Variants in PSMD2 observed in about 807,000 individuals in gnomAD.
PSMD2 encodes 26S proteasome non-ATPase regulatory subunit 2.
In PSMD2, 8 loss-of-function variants were observed where a neutral mutation model predicts 101.5. The observed-to-expected ratio is 0.08, with a 90% CI of 0.05 to 0.14. The LOEUF (loss-of-function observed/expected upper bound fraction) is 0.14. PSMD2 is among the 10% of genes least tolerant of loss of function. PSMD2 has a pLI of 1.00. For missense variants in PSMD2, 784 were observed against 1,147.4 expected (o/e 0.68, Z 4.58); for synonymous variants, 418 against 433.8 (o/e 0.96, Z 0.45).
chr3:184,303,513 CTT>C, intron 9 of PSMD2, 47 bp downstream of exon 9: 4 of 1,608,294 alleles, frequency 2.5e-6, no homozygotes, highest in Non-Finnish European at 3.4e-6. Context: ...TTGATCACTT[CTT>C]TTGTCCTCTT....
In PSMD2 at chr3:184,303,049, C is replaced by T; in HGVS notation, c.1056C>T (p.His352=). ...TGCCTGATGACATCTACAAAACCCA[C>T]CTAGAGAACAACAGTGAGTAGCCCT... The part of the protein sequence containing the change: ...PKVPDDIYKT[H]LENNRFGGSG... Residue 352 remains histidine (H), a synonymous_variant, in exon 8 of 21, where the codon CAC becomes CAT. Transcript: ENST00000310118. 6.2e-7 allele frequency: 1 copy of T among 1,614,008 alleles called. No homozygotes were observed. Among genetic ancestry groups the T allele is most frequent in the South Asian group, 1.1e-5 (1 of 91,072 alleles).
chr3:184,300,487 C>A, intron 3 of PSMD2, 43 bp downstream of exon 3: 2 of 1,593,288 alleles, frequency 1.3e-6, no homozygotes, highest in Admixed American at 1.7e-5. Context: ...TTTAGGAATT[C>A]CTTTTTACCC....
In PSMD2 at chr3:184,304,660, C is replaced by T. The variant is rs769998512; in HGVS notation, c.1539+269C>T. Among the ~76,000 whole-genome samples, 31 of 152,040 alleles carry T rather than the reference C, an allele frequency of 2.0e-4. No homozygotes were observed. Among genetic ancestry groups the T allele is most frequent in the South Asian group, 1.2e-3 (6 of 4,802 alleles). On this transcript the variant is annotated intron_variant, in intron 12 of 20. Coordinates refer to ENST00000310118, the MANE Select transcript of PSMD2 (RefSeq NM_002808.5). This position sits in a 1 kb window ranked among gnomAD's most constrained non-coding sequence, Gnocchi z 4.1. ...CAGCACTTTGGGAGGCTGCAGTGGG[C>T]GGATCACTTGAGCCCAGGAGTTCGA...
rs553450934 is a variant in PSMD2, at chr3:184,303,801, T to G, written c.1323+52T>G. ...GGGACTTCCCCGTTCCATATTCTAG[T>G]GCCTAGCAGTGCCTCTCTTTCACTG... On this transcript the variant is annotated intron_variant, in intron 10 of 20. Transcript: ENST00000310118. 17 of 1,601,400 alleles carry G rather than the reference T, an allele frequency of 1.1e-5. No individual in the cohort carries two copies. The South Asian group carries it at 1.9e-4, about 18-fold the overall frequency.
chr3:184,308,561 G>A lies in PSMD2; in HGVS notation c.2538G>A (p.Val846=), dbSNP rs1246916900. ...ELRPLPVSVR[V]GQAVDVVGQA... is the part of the protein sequence containing the mutation. Reference sequence around the variant, plus strand: ...GGCCATTGCCAGTGTCTGTCCGTGTGGGCCAGGTGAGAGGCTGAGTAGAGG... The same window carrying A: ...GGCCATTGCCAGTGTCTGTCCGTGTAGGCCAGGTGAGAGGCTGAGTAGAGG... Residue 846 remains valine, a synonymous_variant, in exon 20 of 21, where the codon GTG becomes GTA. Coordinates refer to ENST00000310118, the MANE Select transcript of PSMD2 (RefSeq NM_002808.5). The surrounding 1 kb of genome is among the most constrained non-coding windows in gnomAD (Gnocchi z 6.0). 1 of 1,613,126 alleles carries A rather than the reference G, an allele frequency of 6.2e-7. No individual in the cohort carries two copies. Among genetic ancestry groups the A allele is most frequent in the African/African-American group, 1.3e-5 (1 of 74,906 alleles).
Position 184,308,504 on chromosome 3 carries a change from C to T in PSMD2, c.2481C>T (p.Pro827=). 6.2e-7 allele frequency: 1 copy of T among 1,613,050 alleles called. No homozygotes were observed. Residue 827 remains proline, a synonymous_variant, in exon 20 of 21, where the codon CCC becomes CCT. Transcript: ENST00000310118. This position sits in a 1 kb window ranked among gnomAD's most constrained non-coding sequence, Gnocchi z 6.0. ...VLYGLVAAMQ[P]RMLVTFDEEL... The stretch of plus-strand genomic sequence containing the variant: ...ATGGGCTGGTGGCTGCCATGCAGCC[C>T]CGAATGCTGGTTACGTTTGATGAGG...
chr3:184,304,015 A>G lies in PSMD2; in HGVS notation c.1392A>G (p.Ala464=), dbSNP rs564721257. 2.5e-6 allele frequency: 4 copies of G among 1,614,166 alleles called. No individual in the cohort carries two copies. In the East Asian group the frequency reaches 6.7e-5, roughly 27 times the overall value. Residue 464 remains alanine, a synonymous_variant, in exon 11 of 21, where the codon GCA becomes GCG. Transcript: ENST00000310118. This position sits in a 1 kb window ranked among gnomAD's most constrained non-coding sequence, Gnocchi z 4.1. ...GVRNECDPAL[A]LLSDYVLHNS... ...GGAATGAGTGTGACCCTGCTCTGGCACTGCTCTCAGACTATGTTCTCCACA... is the reference window on the plus strand; with the variant it reads ...GGAATGAGTGTGACCCTGCTCTGGCGCTGCTCTCAGACTATGTTCTCCACA...
Position 184,304,031 on chromosome 3 carries a change from G to A in PSMD2, c.1408G>A (p.Val470Ile). The change falls in exon 11 of 21, where the codon GTT becomes ATT. Residue 470 changes from valine (V) to isoleucine (I), a missense_variant. By Grantham distance (29) the Val-to-Ile change is conservative (BLOSUM62 3). Transcript: ENST00000310118. The surrounding 1 kb of genome is among the most constrained non-coding windows in gnomAD (Gnocchi z 4.1). ...DPALALLSDYVLHNSNTMRLG... is the reference protein window; with the variant it reads ...DPALALLSDYILHNSNTMRLG... The stretch of plus-strand genomic sequence containing the variant: ...TGCTCTGGCACTGCTCTCAGACTAT[G>A]TTCTCCACAACAGCAACACCATGAG... 6.2e-7 allele frequency: 1 copy of A among 1,614,182 alleles called. No individual in the cohort carries two copies. Among genetic ancestry groups the A allele is most frequent in the Non-Finnish European group, 8.5e-7 (1 of 1,180,030 alleles).
chr3:184,300,218 C>T, intron 2 of PSMD2, 62 bp from the exon 3 acceptor site: 1 of 1,461,760 alleles, frequency 6.8e-7, no homozygotes, highest in Non-Finnish European at 9.4e-7. Flanking sequence ...TTAAATATCT[C>T]TGTATTATGA....
In PSMD2 at chr3:184,300,440, A is replaced by C. The variant is rs577890097; in HGVS notation, c.353A>C (p.Asn118Thr). 9 of 1,613,424 alleles carry C rather than the reference A, an allele frequency of 5.6e-6. No homozygotes were observed. The highest frequency in any genetic ancestry group is 5.0e-5 in the Admixed American group (3 of 59,804). The change falls in exon 3 of 21, where the codon AAT (asparagine) becomes ACT (threonine). Residue 118 changes from asparagine to threonine, a missense_variant. By Grantham distance (65) the Asn-to-Thr change is moderately conservative (BLOSUM62 0). Coordinates refer to ENST00000310118, the MANE Select transcript of PSMD2 (RefSeq NM_002808.5). ...TATGAGAACATGGCCCCTGGGGAGAATAAGGTAAAACTGTTTCAAACCTGG... is the reference window on the plus strand; with the variant it reads ...TATGAGAACATGGCCCCTGGGGAGACTAAGGTAAAACTGTTTCAAACCTGG... ...EIYENMAPGE[N>T]KRFAADIISV...
rs752300167 is a variant in PSMD2 at position 184,303,619 on chromosome 3, C to G, written c.1217-24C>G. On this transcript the variant is annotated intron_variant, in intron 9 of 20. Transcript: ENST00000310118. Reference sequence around the variant, plus strand: ...TCCTCAGGATAGGGCCATTTTAAGACTAATAGATTCTTCCCTGGTATAGGA... The same window carrying G: ...TCCTCAGGATAGGGCCATTTTAAGAGTAATAGATTCTTCCCTGGTATAGGA... The G allele has an allele frequency of 1.9e-6, 3 of 1,613,632 alleles. No homozygotes were observed. The East Asian group carries it at 6.7e-5, about 36-fold the overall frequency.
chr3:184,304,197 G>T lies in PSMD2; in HGVS notation c.1452-107G>T. 1 of 1,551,834 alleles carries T rather than the reference G, an allele frequency of 6.4e-7. No individual in the cohort carries two copies. Among genetic ancestry groups the T allele is most frequent in the Non-Finnish European group, 8.9e-7 (1 of 1,124,052 alleles). On this transcript the variant is annotated intron_variant, in intron 11 of 20. Transcript: ENST00000310118. The surrounding 1 kb of genome is among the most constrained non-coding windows in gnomAD (Gnocchi z 4.1). ...TGTGCCTATTGGGTATCTGGCTCTT[G>T]GTGAATGTTTGTTGAAATGGTGAAT...
At chr3:184,306,189 C>T in intron 14 of PSMD2, 34 bp downstream of exon 14, 1 of 1,608,132 alleles carries the variant, frequency 6.2e-7, no homozygotes, top group Non-Finnish European at 8.5e-7. Flanking sequence ...TTGTGCTTCC[C>T]CAGTGACTCC....
rs1242026100 is a variant in PSMD2 at position 184,306,447 on chromosome 3, G to A, written c.1902G>A (p.Lys634=). 1 of 1,614,064 alleles carries A rather than the reference G, an allele frequency of 6.2e-7. No homozygotes were observed. The highest frequency in any genetic ancestry group is 1.3e-5 in the African/African-American group (1 of 74,922). Residue 634 remains lysine (K), a synonymous_variant, in exon 15 of 21, where the codon AAG becomes AAA. Coordinates refer to ENST00000310118, the MANE Select transcript of PSMD2 (RefSeq NM_002808.5). ...AGGAAGACAAAGACAAGAAGGAAAA[G>A]AAAGACAAGGACAAGAAGGAAGCCC... ...EKEEDKDKKE[K]KDKDKKEAPA...
rs749551134 is a variant in PSMD2, at chr3:184,302,246, C to T, written c.705-124C>T. 354 of 1,212,880 alleles carry T rather than the reference C, an allele frequency of 2.9e-4. No homozygotes were observed. The Middle Eastern group carries it at 3.2e-3, about 11-fold the overall frequency. The allele number at this position is 1,212,880 out of a possible 1,614,324, so 75.1% of individuals were successfully genotyped here. ...GAGACTTTGTGTCTTCTTAGTAGTTCTAACATCTAGCACAGTGCCTGGTGT... is the reference window on the plus strand; with the variant it reads ...GAGACTTTGTGTCTTCTTAGTAGTTTTAACATCTAGCACAGTGCCTGGTGT... On this transcript the variant is annotated intron_variant, in intron 5 of 20. Transcript: ENST00000310118.
intron 3 of PSMD2, 61 bp downstream of exon 3, chr3:184,300,505 G>T: frequency 1.3e-6 from 2 of 1,566,036 alleles, no homozygotes; most frequent in South Asian, 2.4e-5. Flanking sequence ...CCCAGATCAT[G>T]GGGGGACTCA....
chr3:184,303,707 C>T lies in PSMD2; in HGVS notation c.1281C>T (p.Thr427=). The T allele has an allele frequency of 6.2e-7, 1 of 1,614,150 alleles. No homozygotes were observed. Among genetic ancestry groups the T allele is most frequent in the Non-Finnish European group, 8.5e-7 (1 of 1,180,038 alleles). Residue 427 remains threonine (T), a synonymous_variant, in exon 10 of 21, where the codon ACC becomes ACT. Coordinates refer to ENST00000310118, the MANE Select transcript of PSMD2 (RefSeq NM_002808.5). ...TGTGGGATGTGGATGGTGGCCTCAC[C>T]CAGATTGACAAGTACCTGTACTCCT... The part of the protein sequence containing the change: ...ILLWDVDGGL[T]QIDKYLYSSE...
At position 184,306,081 on chromosome 3, in the gene PSMD2, T is replaced by A. The variant is rs1721821238; in HGVS notation, c.1730T>A (p.Leu577Gln). 1 of 1,614,112 alleles carries A rather than the reference T, an allele frequency of 6.2e-7. No homozygotes were observed. The highest frequency in any genetic ancestry group is 8.5e-7 in the Non-Finnish European group (1 of 1,180,048). ...LGKGEAIEAI[L>Q]AALEVVSEPF... ...AAGGGTGAGGCCATCGAGGCAATCC[T>A]GGCTGCACTGGAGGTTGTGTCAGAG... Residue 577 changes from leucine to glutamine, a missense_variant, in exon 14 of 21, where the codon CTG (leucine) becomes CAG (glutamine). Coordinates refer to ENST00000310118, the MANE Select transcript of PSMD2 (RefSeq NM_002808.5).
rs746199926 is a variant in PSMD2, at chr3:184,304,341, G to A, written c.1489G>A (p.Val497Ile). 25 of 1,614,118 alleles carry A rather than the reference G, an allele frequency of 1.5e-5. No individual in the cohort carries two copies. Among genetic ancestry groups the A allele is most frequent in the Middle Eastern group, 1.6e-4 (1 of 6,084 alleles). Residue 497 changes from valine (V) to isoleucine (I), a missense_variant, in exon 12 of 21, where the codon GTC (valine) becomes ATC (isoleucine). By Grantham distance (29) the Val-to-Ile change is conservative. Around this residue, in one of 6 missense-constraint regions of PSMD2, gnomAD observed 282 missense variants for 437.6 expected, o/e 0.64. Transcript: ENST00000310118. This position sits in a 1 kb window ranked among gnomAD's most constrained non-coding sequence, Gnocchi z 4.1. ...LAYAGSNREDVLTLLLPVMGD... is the reference protein window; with the variant it reads ...LAYAGSNREDILTLLLPVMGD... ...TTATGCTGGCTCAAATCGTGAAGAT[G>A]TCCTAACACTGCTGCTGCCTGTGAT...
Sources: allele counts gnomAD v4.1 joint callset (sites outside exome capture counted in the v4.1 genomes callset), GRCh38; gene constraint gnomAD v4.1.1; regional missense constraint gnomAD v4.1.1; non-coding constraint Gnocchi (gnomAD v3.1); transcripts MANE v1.5; gene names NCBI Gene and HGNC (gene_info 2026-07-23, HGNC 2026-07-21).